The following NGF variants were observed in gnomAD, a reference collection of about 807,000 sequenced individuals.
The protein encoded by NGF is beta-nerve growth factor.
NGF carries 4 observed loss-of-function variants against 12.8 expected under a neutral mutation model. The observed-to-expected ratio is 0.31, with a 90% CI of 0.15 to 0.72. The LOEUF (loss-of-function observed/expected upper bound fraction) is 0.72, where lower values mean the gene tolerates loss of function less well. Ranked by LOEUF, NGF falls within the 30% of genes least tolerant of loss-of-function variation. NGF has a pLI of 0.69. For synonymous variants in NGF, 140 were observed against 130.0 expected, an observed-to-expected ratio of 1.08 and a Z score of -0.52; for missense variants, 283 against 330.8, an observed-to-expected ratio of 0.86 and a Z score of 1.12.
chr1:115,294,400 C>T (rs1309905268), intron 1 of NGF, among the ~76,000 whole-genome samples: 1 of 152,196 alleles, frequency 6.6e-6, no homozygotes, highest in African/African-American at 2.4e-5. Context: ...GTTTTCTATT[C>T]TCCTCTCACT....
rs748955921 is a variant in NGF, at chr1:115,286,834, C to A, written c.-12-27G>T. Reference sequence around the variant, plus strand: ...TGGAATGAAAAAGAAATGAGGGTGACTTCATGGAGTACTAAATGCAGTCAA... The same window carrying A: ...TGGAATGAAAAAGAAATGAGGGTGAATTCATGGAGTACTAAATGCAGTCAA... On this transcript the variant is annotated intron_variant, in intron 2 of 2. Coordinates refer to ENST00000369512, the MANE Select transcript of NGF (RefSeq NM_002506.3). 5 of 1,613,442 alleles carry A rather than the reference C, an allele frequency of 3.1e-6. No homozygotes were observed. The Admixed American group carries it at 8.3e-5, about 27-fold the overall frequency.
intron 1 of NGF, among the ~76,000 whole-genome samples, chr1:115,323,123 C>G (rs1654675378): frequency 6.6e-6 from 1 of 152,120 alleles, no homozygotes; most frequent in Non-Finnish European, 1.5e-5. Context: ...ACATTGCTAG[C>G]AAGAAGGAAG....
At chr1:115,333,794 CTTTCTTTCTTTCTCTT>C (rs1444317919) in intron 1 of NGF, among the ~76,000 whole-genome samples, 1,897 of 105,054 alleles carry the variant, frequency 0.018, 69 homozygotes, top group African/African-American at 0.1. Context: ...CCTTTCTTTT[CTTTCTTTCTTTCTCTT>C]TTTCTTTCTT....
chr1:115,295,523 T>C (rs1223518819), intron 1 of NGF, among the ~76,000 whole-genome samples: 1 of 152,130 alleles, frequency 6.6e-6, no homozygotes, highest in Non-Finnish European at 1.5e-5. Flanking sequence ...CCATTACTCA[T>C]GGGAAGATGG....
intron 1 of NGF, among the ~76,000 whole-genome samples, chr1:115,333,860 T>C (rs1290149966): frequency 2.0e-5 from 3 of 151,752 alleles, no homozygotes; most frequent in Non-Finnish European, 4.4e-5. Context: ...TCTTTCTTTT[T>C]TTTCCCTCAT....
intron 1 of NGF, among the ~76,000 whole-genome samples, chr1:115,329,326 G>C (rs1654850769): frequency 6.6e-6 from 1 of 152,122 alleles, no homozygotes; most frequent in Non-Finnish European, 1.5e-5. Context: ...CTATACAAGA[G>C]AGAAACTAGT....
At chr1:115,314,321 C>G (rs938075160) in intron 1 of NGF, among the ~76,000 whole-genome samples, 10 of 152,200 alleles carry the variant, frequency 6.6e-5, no homozygotes, top group Admixed American at 6.5e-4. Context: ...TTGCTTCTAA[C>G]AGCTCTGACT....
intron 2 of NGF, among the ~76,000 whole-genome samples, chr1:115,292,099 C>G (rs115843748): frequency 0.042 from 6,464 of 152,248 alleles, 167 homozygotes; most frequent in African/African-American, 0.063. Flanking sequence ...TAAATGTTAA[C>G]TGGCTGCTGT....
chr1:115,297,034 C>T (rs1463290097), intron 1 of NGF, among the ~76,000 whole-genome samples: 1 of 152,186 alleles, frequency 6.6e-6, no homozygotes, highest in African/African-American at 2.4e-5. Context: ...GTCTGATGTA[C>T]TTCTTCTAGA....
At chr1:115,328,479 T>C (rs564449607) in intron 1 of NGF, among the ~76,000 whole-genome samples, 1 of 152,314 alleles carries the variant, frequency 6.6e-6, no homozygotes, top group South Asian at 2.1e-4. Flanking sequence ...AGCATTCACA[T>C]TAAGAGCCTT....
intron 1 of NGF, among the ~76,000 whole-genome samples, chr1:115,302,199 T>C (rs1557939233): frequency 6.6e-6 from 1 of 152,236 alleles, no homozygotes; most frequent in Non-Finnish European, 1.5e-5. Flanking sequence ...CTTGGATAAC[T>C]GGGTGAGCCT....
intron 1 of NGF, among the ~76,000 whole-genome samples, chr1:115,318,677 C>A (rs1397034419): frequency 6.6e-6 from 1 of 152,184 alleles, no homozygotes; most frequent in Non-Finnish European, 1.5e-5. Context: ...CTATGTAGAG[C>A]CTTCAAATAG....
chr1:115,317,147 G>A (rs1654495559), intron 1 of NGF, among the ~76,000 whole-genome samples: 1 of 152,120 alleles, frequency 6.6e-6, no homozygotes, highest in South Asian at 2.1e-4. Flanking sequence ...TGGTGGAGAG[G>A]GGATGGAGTC....
chr1:115,310,462 AT>A (rs1350808903), intron 1 of NGF, among the ~76,000 whole-genome samples: 1 of 152,184 alleles, frequency 6.6e-6, no homozygotes, highest in Non-Finnish European at 1.5e-5. Context: ...TTCAGGGGCA[AT>A]CAGTGTTGCT....
In NGF at chr1:115,286,051, GA is replaced by G; in HGVS notation, c.*18del. The G allele has an allele frequency of 6.2e-7, 1 of 1,612,348 alleles. No individual in the cohort carries two copies. Reference sequence around the variant, plus strand: ...CAGGAGAGTGTAGAAGGGGCAGGGGGAGGGAGCGTGTCGGCAGGTCAGGCTC... The same window carrying G: ...CAGGAGAGTGTAGAAGGGGCAGGGGGGGGAGCGTGTCGGCAGGTCAGGCTC... On this transcript the variant is annotated 3_prime_UTR_variant, in exon 3 of 3. Coordinates refer to ENST00000369512, the MANE Select transcript of NGF (RefSeq NM_002506.3).
intron 1 of NGF, among the ~76,000 whole-genome samples, chr1:115,300,876 T>C (rs1654015313): frequency 6.6e-6 from 1 of 152,218 alleles, no homozygotes; most frequent in Non-Finnish European, 1.5e-5. Flanking sequence ...GCTCCTATTA[T>C]GCAGTAACAC....
At chr1:115,305,695 T>G (rs953046029) in intron 1 of NGF, among the ~76,000 whole-genome samples, 11 of 152,180 alleles carry the variant, frequency 7.2e-5, no homozygotes, top group Non-Finnish European at 1.2e-4. Context: ...AAGGAAGAGA[T>G]TTTGGAAGGA....
chr1:115,286,435 G>C lies in NGF; in HGVS notation c.361C>G (p.Arg121Gly). 6.2e-7 allele frequency: 1 copy of C among 1,613,612 alleles called. No individual in the cohort carries two copies. The highest frequency in any genetic ancestry group is 1.1e-5 in the South Asian group (1 of 91,030). The change falls in exon 3 of 3, where the codon CGG (arginine) becomes GGG (glycine). Residue 121 changes from arginine (R) to glycine (G), a missense_variant. Arg to Gly is a moderately radical substitution (Grantham distance 125). Around this residue, in one of 2 missense-constraint regions of NGF, gnomAD observed 132 missense variants for 189.2 expected, o/e 0.70. Coordinates refer to ENST00000369512, the MANE Select transcript of NGF (RefSeq NM_002506.3). Reference protein sequence around the residue: ...APFNRTHRSKRSSSHPIFHRG... With the variant: ...APFNRTHRSKGSSSHPIFHRG... ...TGGAAGATGGGATGGGATGATGACCGCTTGCTCCTGTGAGTCCTGTTGAAG... is the reference window on the plus strand; with the variant it reads ...TGGAAGATGGGATGGGATGATGACCCCTTGCTCCTGTGAGTCCTGTTGAAG...
chr1:115,303,249 T>C (rs996615474), intron 1 of NGF, among the ~76,000 whole-genome samples: 2 of 152,146 alleles, frequency 1.3e-5, no homozygotes, highest in Non-Finnish European at 2.9e-5. Context: ...TGTGCACCTG[T>C]GTTCATTAAG....
Sources: allele counts gnomAD v4.1 joint callset (sites outside exome capture counted in the v4.1 genomes callset), GRCh38; gene constraint gnomAD v4.1.1; regional missense constraint gnomAD v4.1.1; transcripts MANE v1.5; gene names NCBI Gene and HGNC (gene_info 2026-07-23, HGNC 2026-07-21).